Variants in EIF4G3 observed in about 807,000 individuals in gnomAD.
EIF4G3 encodes eukaryotic translation initiation factor 4 gamma 3, also known as eIF-4-gamma 3.
Under a neutral mutation model 186.4 loss-of-function variants are expected in EIF4G3, and 34 were observed. That is an observed-to-expected ratio of 0.18 (90% CI 0.14 to 0.24). EIF4G3 has a LOEUF of 0.24. Ranked by LOEUF, EIF4G3 falls within the 10% of genes least tolerant of loss-of-function variation. The probability of loss-of-function intolerance (pLI) is 1.00; values close to 1 mark genes in which losing one functional copy is unlikely to be tolerated. For synonymous variants in EIF4G3, 673 were observed against 679.5 expected (o/e 0.99, Z 0.15); for missense variants, 1,536 against 1,948.5 (o/e 0.79, Z 3.99).
intron 6 of EIF4G3, among the ~76,000 whole-genome samples, chr1:20,999,111 G>T (rs1026289368): frequency 6.6e-6 from 1 of 152,144 alleles, no homozygotes; most frequent in Non-Finnish European, 1.5e-5. Context: ...GCTGAAAACA[G>T]CTCTGTCAAG....
chr1:21,018,125 T>A (rs1209118170), intron 4 of EIF4G3, among the ~76,000 whole-genome samples: 5 of 152,020 alleles, frequency 3.3e-5, no homozygotes, highest in Admixed American at 3.3e-4. Flanking sequence ...AAAAAATCTT[T>A]TATAGAGACA....
chr1:20,894,271 A>G (rs2087139255), intron 17 of EIF4G3, among the ~76,000 whole-genome samples: 1 of 152,202 alleles, frequency 6.6e-6, no homozygotes, highest in Admixed American at 6.5e-5. Context: ...TCATAAACAG[A>G]TAAGGCAGCA....
intron 27 of EIF4G3, among the ~76,000 whole-genome samples, chr1:20,851,784 G>A (rs1451619036): frequency 1.3e-5 from 2 of 152,088 alleles, no homozygotes; most frequent in Admixed American, 6.6e-5. Context: ...TTGGGAGGCC[G>A]AGCAGGGCAG....
At chr1:20,982,158 G>A (rs186788137) in intron 8 of EIF4G3, among the ~76,000 whole-genome samples, 1 of 152,200 alleles carries the variant, frequency 6.6e-6, no homozygotes, top group African/African-American at 2.4e-5. Flanking sequence ...CAATAAAAGT[G>A]GACAATCTAG....
Position 21,068,375 on chromosome 1 carries a change from TAAA to T in EIF4G3, c.-195-17384_-195-17382del, listed in dbSNP as rs869306512. On this transcript the variant is annotated intron_variant, in intron 3 of 36. Coordinates refer to ENST00000602326, the MANE Select transcript of EIF4G3 (RefSeq NM_001391906.1). ...GGGCGACAGAGTGAAACTCTGTCTTTAAAAAAAAAAAAAAAAAAAAAAAAACAG... is the reference window on the plus strand; with the variant it reads ...GGGCGACAGAGTGAAACTCTGTCTTTAAAAAAAAAAAAAAAAAAAAAACAG... Among the ~76,000 whole-genome samples, 541 of 67,808 alleles carry T rather than the reference TAAA, an allele frequency of 8.0e-3. 6 individuals are homozygous for T. Among genetic ancestry groups the T allele is most frequent in the African/African-American group, 0.025 (507 of 20,440 alleles). The allele number at this position is 67,808 out of a possible 152,430, so 44.5% of individuals were successfully genotyped here.
At chr1:21,166,009 T>C (rs1181346856) in intron 2 of EIF4G3, among the ~76,000 whole-genome samples, 1 of 150,930 alleles carries the variant, frequency 6.6e-6, no homozygotes, top group Non-Finnish European at 1.5e-5. Flanking sequence ...GAACACAGCA[T>C]ACACTACACT....
intron 30 of EIF4G3, 131 bp from the exon 31 acceptor site, chr1:20,829,403 G>T: frequency 1.0e-6 from 1 of 1,004,680 alleles, no homozygotes; most frequent in Non-Finnish European, 1.5e-6. Context: ...TAGCCACAAA[G>T]TGACTGGTAA....
At chr1:21,016,723 C>T (rs137954399) in intron 4 of EIF4G3, among the ~76,000 whole-genome samples, 166 of 151,726 alleles carry the variant, frequency 1.1e-3, no homozygotes, top group African/African-American at 3.9e-3. Flanking sequence ...TCTGGGAGCC[C>T]GAGATAGGTG....
Position 20,974,963 on chromosome 1 carries a change from C to A in EIF4G3, c.494-1864G>T, listed in dbSNP as rs186099853. On this transcript the variant is annotated intron_variant, in intron 10 of 36. Transcript: ENST00000602326. ...CAAACAGTCAAATAAGGCTGGCCCA[C>A]TTTCATTATCACCATCAACATCCCC... Among the ~76,000 whole-genome samples, 74 of 152,260 alleles carry A rather than the reference C, an allele frequency of 4.9e-4. No individual in the cohort carries two copies. In the East Asian group the frequency reaches 0.014, roughly 28 times the overall value.
chr1:20,895,380 C>G lies in EIF4G3; in HGVS notation c.2121G>C (p.Val707=), dbSNP rs1474381144. 2 of 1,613,514 alleles carry G rather than the reference C, an allele frequency of 1.2e-6. No homozygotes were observed. The highest frequency in any genetic ancestry group is 1.7e-6 in the Non-Finnish European group (2 of 1,179,616). The change falls in exon 17 of 37, where the codon GTG becomes GTC. Residue 707 remains valine, a synonymous_variant. Transcript: ENST00000602326. ...GTACGCAGCTTACCTTGTCAAGAAC[C>G]ACATCACTGATAGGAGGCAGGCCCT... ...KPEGLPPISD[V]VLDKINQPKL... is the part of the protein sequence containing the mutation.
chr1:20,852,116 G>A (rs1031050673), intron 27 of EIF4G3, among the ~76,000 whole-genome samples: 2 of 152,008 alleles, frequency 1.3e-5, no homozygotes, highest in Admixed American at 6.6e-5. Flanking sequence ...GCGTAATCTC[G>A]GCTCACTGCA....
At chr1:20,846,416 T>C (rs2071053245) in intron 29 of EIF4G3, among the ~76,000 whole-genome samples, 1 of 152,202 alleles carries the variant, frequency 6.6e-6, no homozygotes, top group African/African-American at 2.4e-5. Flanking sequence ...TAGCAGTTCA[T>C]AACCTCGCCC....
At chr1:20,922,587 A>T (rs941854254) in intron 14 of EIF4G3, among the ~76,000 whole-genome samples, 9 of 152,192 alleles carry the variant, frequency 5.9e-5, no homozygotes, top group African/African-American at 2.2e-4. Context: ...ATGAGCCACC[A>T]CGTCCAGCAT....
intron 3 of EIF4G3, among the ~76,000 whole-genome samples, chr1:21,086,589 G>A (rs1282554385): frequency 1.3e-5 from 2 of 151,886 alleles, no homozygotes; most frequent in South Asian, 2.1e-4. Context: ...TCTTCCTTTC[G>A]CATGCAATTA....
rs1157644877 is a variant in EIF4G3 at position 20,864,685 on chromosome 1, C to T, written c.2797G>A (p.Glu933Lys). 1.2e-6 allele frequency: 2 copies of T among 1,614,014 alleles called. No homozygotes were observed. The highest frequency in any genetic ancestry group is 2.2e-5 in the East Asian group (1 of 44,886). Residue 933 changes from glutamate (E) to lysine (K), a missense_variant, in exon 22 of 37, where the codon GAA becomes AAA. Coordinates refer to ENST00000602326, the MANE Select transcript of EIF4G3 (RefSeq NM_001391906.1). ...APEERTRLHD[E>K]LEEAKDKARR... ...GCTTTGTCCTTGGCTTCTTCCAGTT[C>T]ATCATGAAGCCTTGTCCTCTCCTCT...
chr1:20,865,007 CCAT>C, intron 21 of EIF4G3, 106 bp downstream of exon 21: 1 of 1,273,426 alleles, frequency 7.9e-7, no homozygotes, highest in Non-Finnish European at 1.1e-6. Context: ...AAAAAAAAGG[CCAT>C]AGGTCCCTCT....
chr1:21,171,405 A>C (rs909617572), intron 2 of EIF4G3, among the ~76,000 whole-genome samples: 24 of 152,234 alleles, frequency 1.6e-4, no homozygotes, highest in Admixed American at 1.6e-3. Context: ...TGGCAACCTT[A>C]TTTTATGGTC....
chr1:21,149,741 C>T lies in EIF4G3; in HGVS notation c.-272+26434G>A, dbSNP rs74466554. Among the ~76,000 whole-genome samples, 863 of 152,298 alleles carry T rather than the reference C, an allele frequency of 5.7e-3. 13 individuals carry two copies. The highest frequency in any genetic ancestry group is 0.02 in the African/African-American group (820 of 41,570). ...AACAGTATTCCTCACACAAGCTGCA[C>T]GAAAGGGAAGACCTTTTTAATCCTC... On this transcript the variant is annotated intron_variant, in intron 2 of 36. Coordinates refer to ENST00000602326, the MANE Select transcript of EIF4G3 (RefSeq NM_001391906.1).
intron 14 of EIF4G3, among the ~76,000 whole-genome samples, chr1:20,937,185 A>AG (rs2095544484): frequency 6.6e-6 from 1 of 152,232 alleles, no homozygotes; most frequent in Admixed American, 6.5e-5. Context: ...TAGCTTAAAA[A>AG]AGAGAGAGAG....
Sources: gnomAD v4.1 joint callset for allele counts (sites outside exome capture counted in the v4.1 genomes callset) on GRCh38, gnomAD v4.1.1 for gene constraint, MANE v1.5 for transcripts, NCBI Gene and HGNC (gene_info 2026-07-23, HGNC 2026-07-21) for gene names.